Variants in BANF2 observed in about 807,000 individuals in gnomAD.
BANF2 encodes barrier-to-autointegration factor-like protein.
In BANF2, 4 loss-of-function variants were observed where a neutral mutation model predicts 8.0. The observed-to-expected ratio is 0.50, with a 90% confidence interval of 0.25 to 1.14. The LOEUF (loss-of-function observed/expected upper bound fraction) is 1.14, where lower values mean the gene tolerates loss of function less well. Among genes scored for constraint, BANF2 ranks in the 50% most tolerant of loss-of-function variants. The probability of loss-of-function intolerance (pLI) is 0.16; values close to 1 mark genes in which losing one functional copy is unlikely to be tolerated. For missense variants in BANF2, 96 were observed against 107.5 expected (o/e 0.89, Z 0.47); for synonymous variants, 50 against 40.6 (o/e 1.23, Z -0.88).
intron 1 of BANF2, among the ~76,000 whole-genome samples, chr20:17,704,373 G>A (rs1426223584): frequency 6.6e-6 from 1 of 152,256 alleles, no homozygotes; most frequent in African/African-American, 2.4e-5. Flanking sequence ...AGACGTCAAA[G>A]CTGCAGGCCC....
intron 2 of BANF2, among the ~76,000 whole-genome samples, chr20:17,723,920 A>G (rs1229085491): frequency 1.3e-5 from 2 of 152,180 alleles, no homozygotes; most frequent in African/African-American, 4.8e-5. Context: ...GCTTGAACGC[A>G]GGAGGCAGTG....
intron 1 of BANF2, among the ~76,000 whole-genome samples, chr20:17,705,782 C>T (rs540787918): frequency 1.3e-5 from 2 of 152,306 alleles, no homozygotes; most frequent in East Asian, 3.9e-4. Context: ...CTGGGATTAC[C>T]CCAGATGCTA....
chr20:17,724,673 A>G (rs1331360606), intron 2 of BANF2, among the ~76,000 whole-genome samples: 2 of 152,254 alleles, frequency 1.3e-5, no homozygotes, highest in East Asian at 3.8e-4. Context: ...TGGGTTAATT[A>G]GCTAAGAGAA....
chr20:17,733,850 C>T (rs2037937553), intron 3 of BANF2, among the ~76,000 whole-genome samples: 1 of 152,168 alleles, frequency 6.6e-6, no homozygotes, highest in Non-Finnish European at 1.5e-5. Flanking sequence ...TGGGATTCAG[C>T]TTTTATTTGA....
chr20:17,698,877 T>G (rs2037374362), upstream of BANF2, among the ~76,000 whole-genome samples: 1 of 152,238 alleles, frequency 6.6e-6, no homozygotes, highest in South Asian at 2.1e-4. Context: ...CTCCTGTTTA[T>G]TCTCCAGCAA....
At chr20:17,722,962 T>C in intron 2 of BANF2, 84 bp downstream of exon 2, 1 of 857,928 alleles carries the variant, frequency 1.2e-6, no homozygotes, top group Non-Finnish European at 1.4e-6. Context: ...CGTCATCGAA[T>C]GCTTACCATG....
chr20:17,694,597 CTCTCTTTTTTTTTTTTTT>C lies in BANF2; in HGVS notation c.18+893_18+910del, dbSNP rs1220351450. Among the ~76,000 whole-genome samples the C allele has an allele frequency of 8.3e-5, 3 of 36,284 alleles. No individual in the cohort carries two copies. In the Admixed American group the frequency reaches 1.3e-3, roughly 16 times the overall value. 23.8% of individuals were successfully genotyped at this position (36,284 alleles called of 152,430 possible). A position where few individuals can be genotyped will look rare whatever the true frequency, so the allele number is the denominator to read the frequency against. ...GCAGGGGGCTATTTTTGTTTTTTCT[CTCTCTTTTTTTTTTTTTT>C]TTTTTTTTTTTTTTTTTTATTGAGA... On this transcript the variant is annotated intron_variant, in intron 1 of 2. Coordinates refer to the BANF2 transcript ENST00000545418.
At chr20:17,730,842 A>T (rs2037884213) in intron 3 of BANF2, among the ~76,000 whole-genome samples, 1 of 152,212 alleles carries the variant, frequency 6.6e-6, no homozygotes, top group Non-Finnish European at 1.5e-5. Flanking sequence ...CCCGTCACGT[A>T]AGTTTGGGAT....
intron 1 of BANF2, among the ~76,000 whole-genome samples, chr20:17,710,585 C>T (rs1280544575): frequency 6.6e-6 from 1 of 152,182 alleles, no homozygotes; most frequent in African/African-American, 2.4e-5. Flanking sequence ...TGTTTCTAGT[C>T]CCGGGGTGAG....
At chr20:17,705,556 T>A (rs940995683) in intron 1 of BANF2, among the ~76,000 whole-genome samples, 1 of 152,288 alleles carries the variant, frequency 6.6e-6, no homozygotes, top group Middle Eastern at 3.4e-3. Flanking sequence ...TAAAAGATAA[T>A]GGGCTAGGCC....
At chr20:17,697,672 G>A (rs6080784), upstream of BANF2, among the ~76,000 whole-genome samples, 44,500 of 152,074 alleles carry the variant, frequency 0.29, 6,705 homozygotes, top group African/African-American at 0.36. Context: ...GTAGGGGAGC[G>A]GGGAAGTGAG....
intron 1 of BANF2, among the ~76,000 whole-genome samples, chr20:17,716,800 C>G: frequency 7.1e-6 from 1 of 139,970 alleles, no homozygotes; most frequent in South Asian, 2.2e-4. Flanking sequence ...CAAGATTGTG[C>G]CACTGCACTT....
chr20:17,720,630 T>C (rs2037715329), intron 1 of BANF2, among the ~76,000 whole-genome samples: 1 of 152,166 alleles, frequency 6.6e-6, no homozygotes, highest in Non-Finnish European at 1.5e-5. Flanking sequence ...GAAAATAGAA[T>C]AGTGGTTGCC....
intron 2 of BANF2, among the ~76,000 whole-genome samples, chr20:17,724,297 T>C (rs1190199202): frequency 6.6e-6 from 1 of 152,148 alleles, no homozygotes; most frequent in Non-Finnish European, 1.5e-5. Flanking sequence ...AGTCCTGCTG[T>C]TTGGGAAAGC....
At chr20:17,697,040 T>A (rs113637145), upstream of BANF2, among the ~76,000 whole-genome samples, 426 of 152,222 alleles carry the variant, frequency 2.8e-3, 3 homozygotes, top group African/African-American at 9.7e-3. Flanking sequence ...GCAAAAGCTA[T>A]GGCAGAGTTG....
intron 1 of BANF2, among the ~76,000 whole-genome samples, chr20:17,711,577 C>T (rs1374445592): frequency 6.6e-6 from 1 of 152,184 alleles, no homozygotes; most frequent in South Asian, 2.1e-4. Flanking sequence ...CAGCTTCTAC[C>T]TGACCCCCTG....
At chr20:17,707,016 G>A (rs189111489) in intron 1 of BANF2, among the ~76,000 whole-genome samples, 320 of 152,240 alleles carry the variant, frequency 2.1e-3, no homozygotes, top group Non-Finnish European at 3.5e-3. Context: ...GGAAGAGACC[G>A]GGGACCACAT....
chr20:17,701,285 G>A (rs1226590550), intron 1 of BANF2, among the ~76,000 whole-genome samples: 5 of 152,304 alleles, frequency 3.3e-5, no homozygotes, highest in Admixed American at 2.0e-4. Context: ...GAGAAAGGGA[G>A]CAAACGCTGA....
At chr20:17,702,738 G>A (rs768403640) in intron 1 of BANF2, among the ~76,000 whole-genome samples, 1 of 152,144 alleles carries the variant, frequency 6.6e-6, no homozygotes, top group African/African-American at 2.4e-5. Context: ...AGAACACATG[G>A]TCTGACCTTG....
Sources: allele counts gnomAD v4.1 joint callset (sites outside exome capture counted in the v4.1 genomes callset), GRCh38; gene constraint gnomAD v4.1.1; transcripts MANE v1.5; gene names NCBI Gene and HGNC (gene_info 2026-07-23, HGNC 2026-07-21).